Variants in TCF7L1 observed in about 807,000 individuals in gnomAD.
TCF7L1 encodes the protein transcription factor 7-like 1.
A neutral mutation model predicts 63.7 loss-of-function variants in TCF7L1; 18 were observed. The observed-to-expected ratio is 0.28, with a 90% CI of 0.20 to 0.42. The LOEUF is 0.42. TCF7L1 is among the 10% of genes least tolerant of loss of function. The probability of loss-of-function intolerance (pLI) is 1.00; values close to 1 mark genes in which losing one functional copy is unlikely to be tolerated. For missense variants in TCF7L1, 654 were observed against 779.3 expected, an observed-to-expected ratio of 0.84 and a Z score of 1.91; for synonymous variants, 355 against 340.9, an observed-to-expected ratio of 1.04 and a Z score of -0.46.
At chr2:85,199,391 A>G (rs1409396394) in intron 3 of TCF7L1, among the ~76,000 whole-genome samples, 2 of 152,202 alleles carry the variant, frequency 1.3e-5, no homozygotes, top group African/African-American at 4.8e-5. Context: ...TGAGCCATTT[A>G]AAATTTTGTT....
chr2:85,222,842 T>G (rs1679877520), intron 3 of TCF7L1, among the ~76,000 whole-genome samples: 1 of 152,154 alleles, frequency 6.6e-6, no homozygotes. Flanking sequence ...AAAACATTTT[T>G]TAGGATTTTA....
chr2:85,149,098 G>T (rs995274669), intron 3 of TCF7L1, among the ~76,000 whole-genome samples: 5 of 152,022 alleles, frequency 3.3e-5, no homozygotes, highest in African/African-American at 9.7e-5. Context: ...TTTTTTATAG[G>T]AAATGACTAA....
At chr2:85,177,111 G>C (rs1574091874) in intron 3 of TCF7L1, among the ~76,000 whole-genome samples, 1 of 151,984 alleles carries the variant, frequency 6.6e-6, no homozygotes, top group South Asian at 2.1e-4. Flanking sequence ...TGGCACTGTC[G>C]GGTTTTGGTG....
intron 3 of TCF7L1, among the ~76,000 whole-genome samples, chr2:85,183,311 G>A (rs1239520190): frequency 6.6e-6 from 1 of 152,172 alleles, no homozygotes; most frequent in Non-Finnish European, 1.5e-5. Flanking sequence ...TGTATAACTT[G>A]TCCTATTGTG....
chr2:85,241,431 G>GTTTTT lies in TCF7L1; in HGVS notation c.442-42063_442-42059dup, dbSNP rs1273488175. Among the ~76,000 whole-genome samples, 470 of 68,732 alleles carry GTTTTT rather than the reference G, an allele frequency of 6.8e-3. 39 individuals are homozygous for GTTTTT. The highest frequency in any genetic ancestry group is 0.022 in the African/African-American group (431 of 19,210). The allele number at this position is 68,732 out of a possible 152,430, so 45.1% of individuals were successfully genotyped here. ...TGATCCAGAGGACTGGATGCACTTTGTTTTTGTTTTTTTTTTTTTTTTTTT... is the reference window on the plus strand; with the variant it reads ...TGATCCAGAGGACTGGATGCACTTTGTTTTTTTTTTGTTTTTTTTTTTTTTTTTTT... On this transcript the variant is annotated intron_variant, in intron 3 of 11. Transcript: ENST00000282111.
intron 4 of TCF7L1, among the ~76,000 whole-genome samples, chr2:85,285,567 C>G (rs1020892852): frequency 6.6e-6 from 1 of 152,264 alleles, no homozygotes; most frequent in African/African-American, 2.4e-5. Context: ...AACAAGCACT[C>G]CACACCTCAG....
At chr2:85,276,890 A>G (rs1681284663) in intron 3 of TCF7L1, among the ~76,000 whole-genome samples, 1 of 152,170 alleles carries the variant, frequency 6.6e-6, no homozygotes, top group Non-Finnish European at 1.5e-5. Context: ...CTCGAGAGCG[A>G]CAGACTCATG....
intron 3 of TCF7L1, among the ~76,000 whole-genome samples, chr2:85,170,284 C>A (rs1678517548): frequency 6.6e-6 from 1 of 152,120 alleles, no homozygotes; most frequent in African/African-American, 2.4e-5. Context: ...AAGCATCAAG[C>A]CTGGCATTTT....
chr2:85,155,341 A>T (rs1377340567), intron 3 of TCF7L1, among the ~76,000 whole-genome samples: 1 of 152,242 alleles, frequency 6.6e-6, no homozygotes, highest in Non-Finnish European at 1.5e-5. Flanking sequence ...AGCCAGCAGC[A>T]GCAGCAACGC....
chr2:85,192,031 T>C (rs944859588), intron 3 of TCF7L1, among the ~76,000 whole-genome samples: 1 of 152,170 alleles, frequency 6.6e-6, no homozygotes, highest in African/African-American at 2.4e-5. Flanking sequence ...CAGAATCCAT[T>C]TGTCCTCTGA....
chr2:85,249,880 G>A (rs1018737553), intron 3 of TCF7L1, among the ~76,000 whole-genome samples: 3 of 152,196 alleles, frequency 2.0e-5, no homozygotes, highest in Admixed American at 1.3e-4. Context: ...TTCCTCATCT[G>A]TGAAAAGGTG....
intron 3 of TCF7L1, among the ~76,000 whole-genome samples, chr2:85,212,339 G>A (rs1453171251): frequency 2.0e-5 from 3 of 152,150 alleles, no homozygotes; most frequent in Non-Finnish European, 4.4e-5. Flanking sequence ...TGTACATCTG[G>A]GCAGTGGCAG....
At chr2:85,214,011 C>T (rs1027444089) in intron 3 of TCF7L1, among the ~76,000 whole-genome samples, 1 of 152,206 alleles carries the variant, frequency 6.6e-6, no homozygotes, top group Non-Finnish European at 1.5e-5. Flanking sequence ...CACCCCGGAA[C>T]GCCCCTGACT....
At chr2:85,294,861 C>T (rs1681807083) in intron 4 of TCF7L1, among the ~76,000 whole-genome samples, 1 of 151,874 alleles carries the variant, frequency 6.6e-6, no homozygotes, top group Admixed American at 6.6e-5. Flanking sequence ...AGTGCGACCT[C>T]ACCTTTACTA....
chr2:85,308,330 C>CA (rs1682167557), intron 11 of TCF7L1, among the ~76,000 whole-genome samples: 2 of 150,150 alleles, frequency 1.3e-5, no homozygotes, highest in Admixed American at 6.6e-5. Context: ...AAAGTGCTTT[C>CA]AATCTCTCTT....
chr2:85,241,919 G>C lies in TCF7L1; in HGVS notation c.442-41576G>C, dbSNP rs568431838. Among the ~76,000 whole-genome samples, 12 of 151,978 alleles carry C rather than the reference G, an allele frequency of 7.9e-5. No homozygotes were observed. The South Asian group carries it at 2.5e-3, about 32-fold the overall frequency. ...CTCTATTTGTATTTCCTTAGGACCT[G>C]GATAACTCCGTGAGTCCAGGAATAG... is the stretch of plus-strand genomic sequence containing the variant. On this transcript the variant is annotated intron_variant, in intron 3 of 11. Transcript: ENST00000282111.
intron 3 of TCF7L1, among the ~76,000 whole-genome samples, chr2:85,230,416 C>G (rs1470674694): frequency 2.0e-5 from 3 of 151,292 alleles, no homozygotes; most frequent in Non-Finnish European, 4.4e-5. Flanking sequence ...TCACTGCAAC[C>G]TCCACCTCCT....
intron 3 of TCF7L1, among the ~76,000 whole-genome samples, chr2:85,194,852 C>A (rs1679117609): frequency 6.6e-6 from 1 of 152,214 alleles, no homozygotes; most frequent in South Asian, 2.1e-4. Context: ...TTTTAGTTCG[C>A]AGGCACACTG....
chr2:85,237,681 A>G (rs1490932866), intron 3 of TCF7L1, among the ~76,000 whole-genome samples: 2 of 138,728 alleles, frequency 1.4e-5, no homozygotes, highest in Non-Finnish European at 3.0e-5. Flanking sequence ...AGAAGAGAGC[A>G]TCTCTTCATT....
Sources: gnomAD v4.1 joint callset for allele counts (sites outside exome capture counted in the v4.1 genomes callset) on GRCh38, gnomAD v4.1.1 for gene constraint, MANE v1.5 for transcripts, NCBI Gene and HGNC (gene_info 2026-07-23, HGNC 2026-07-21) for gene names.